The following WASF3 variants were observed in gnomAD, a reference collection of about 807,000 sequenced individuals.
WASF3 encodes WASP family member 3.
In WASF3, 11 loss-of-function variants were observed where a neutral mutation model predicts 46.6. That is an observed-to-expected ratio of 0.24 (90% CI 0.15 to 0.39). The LOEUF is 0.39. WASF3 is among the 10% of genes least tolerant of loss of function. The pLI is 1.00. For missense variants in WASF3, 576 were observed against 669.8 expected, an observed-to-expected ratio of 0.86 and a Z score of 1.55; for synonymous variants, 242 against 259.7, an observed-to-expected ratio of 0.93 and a Z score of 0.65.
chr13:26,555,050 C>G (rs908125643), upstream of WASF3, among the ~76,000 whole-genome samples: 13 of 152,124 alleles, frequency 8.5e-5, no homozygotes, highest in African/African-American at 2.9e-4. Context: ...ATTTGGTATC[C>G]TTAGGTTTTT....
chr13:26,661,698 G>A (rs1173697508), intron 3 of WASF3, among the ~76,000 whole-genome samples: 1 of 152,218 alleles, frequency 6.6e-6, no homozygotes, highest in African/African-American at 2.4e-5. Flanking sequence ...TTCCACAGCA[G>A]TTGTACCATT....
chr13:26,677,635 G>A (rs1215205243), intron 7 of WASF3, among the ~76,000 whole-genome samples: 2 of 152,170 alleles, frequency 1.3e-5, no homozygotes, highest in East Asian at 3.8e-4. Context: ...GTCATTGGGA[G>A]GATGTGAGGC....
intron 1 of WASF3, among the ~76,000 whole-genome samples, chr13:26,608,100 G>C (rs1212936611): frequency 1.5e-5 from 2 of 136,602 alleles, no homozygotes; most frequent in African/African-American, 2.8e-5. Context: ...GAATTGAAGA[G>C]TGGTTGATGT....
intron 1 of WASF3, among the ~76,000 whole-genome samples, chr13:26,558,490 G>A (rs117721519): frequency 1.8e-5 from 2 of 108,620 alleles, no homozygotes; most frequent in African/African-American, 5.4e-5. Context: ...GAGCCGCGGC[G>A]CGCGGGGTAT....
chr13:26,567,294 G>T (rs142278301), intron 1 of WASF3, among the ~76,000 whole-genome samples: 223 of 152,226 alleles, frequency 1.5e-3, no homozygotes, highest in Middle Eastern at 3.4e-3. Context: ...TTACAGATGC[G>T]CTTGGAGTGC....
chr13:26,557,620 G>T (rs554953018), upstream of WASF3: 19 of 157,344 alleles, frequency 1.2e-4, no homozygotes, highest in Non-Finnish European at 2.4e-4. Flanking sequence ...TGGTGGAGCC[G>T]GCACTGAGCC....
chr13:26,666,301 G>A (rs1005975364), intron 4 of WASF3, among the ~76,000 whole-genome samples: 8 of 152,118 alleles, frequency 5.3e-5, no homozygotes, highest in African/African-American at 1.2e-4. Flanking sequence ...GGCTGTTGCC[G>A]TTAGAATGCT....
In WASF3 at chr13:26,685,943, C is replaced by T; in HGVS notation, c.*98C>T. 1 of 1,463,626 alleles carries T rather than the reference C, an allele frequency of 6.8e-7. No homozygotes were observed. The highest frequency in any genetic ancestry group is 9.2e-7 in the Non-Finnish European group (1 of 1,092,332). 90.7% of individuals were successfully genotyped at this position (1,463,626 alleles called of 1,614,324 possible). A position where few individuals can be genotyped will look rare whatever the true frequency, so the allele number is the denominator to read the frequency against. On this transcript the variant is annotated 3_prime_UTR_variant, in exon 10 of 10. Coordinates refer to ENST00000335327, the MANE Select transcript of WASF3 (RefSeq NM_006646.6). ...GTATTCTAATCCCGTAGCATAGCAC[C>T]TTTTGTATAAACAATGTGATATTGC...
upstream of WASF3, among the ~76,000 whole-genome samples, chr13:26,557,309 C>A (rs1879119732): frequency 6.6e-6 from 1 of 152,178 alleles, no homozygotes; most frequent in Non-Finnish European, 1.5e-5. Flanking sequence ...GACCTCTGTG[C>A]AGGAGCCCTC....
intron 5 of WASF3, 21 bp downstream of exon 5, chr13:26,667,691 G>A: frequency 6.2e-7 from 1 of 1,609,262 alleles, no homozygotes; most frequent in Non-Finnish European, 8.5e-7. Context: ...ATGAGTCCCA[G>A]AGCCTCTCCT....
rs1377445635 is a variant in WASF3, at chr13:26,681,099, C to T, written c.762C>T (p.Pro254=). 3 of 1,614,100 alleles carry T rather than the reference C, an allele frequency of 1.9e-6. No individual in the cohort carries two copies. Among genetic ancestry groups the T allele is most frequent in the East Asian group, 2.2e-5 (1 of 44,900 alleles). ...CGGATTACTCTTACCCGGCTACTCCCAACCATTCTCTGCACCCCCAGCCTG... is the reference window on the plus strand; with the variant it reads ...CGGATTACTCTTACCCGGCTACTCCTAACCATTCTCTGCACCCCCAGCCTG... ...DVTDYSYPAT[P]NHSLHPQPVT... is the part of the protein sequence containing the mutation. Residue 254 remains proline, a synonymous_variant, in exon 8 of 10, where the codon CCC becomes CCT. Transcript: ENST00000335327.
chr13:26,586,699 A>G (rs781005899), intron 1 of WASF3, among the ~76,000 whole-genome samples: 5 of 152,188 alleles, frequency 3.3e-5, no homozygotes, highest in Admixed American at 6.5e-5. Flanking sequence ...ATCAATTCTA[A>G]GAGCCCCATC....
chr13:26,641,220 G>T, intron 2 of WASF3: 1 of 152,228 alleles, frequency 6.6e-6, no homozygotes, highest in Non-Finnish European at 1.5e-5. Flanking sequence ...CTTAAAAGGA[G>T]TTTTAAAAGC....
Position 26,603,067 on chromosome 13 carries a change from A to G in WASF3, c.-108-9894A>G, listed in dbSNP as rs552701528. On this transcript the variant is annotated intron_variant, in intron 1 of 9. Coordinates refer to ENST00000335327, the MANE Select transcript of WASF3 (RefSeq NM_006646.6). ...AGGAAGGCGATAAGGGCCCATGGGGAGGTAAGAGTAACTGCTGTTGGTACC... is the reference window on the plus strand; with the variant it reads ...AGGAAGGCGATAAGGGCCCATGGGGGGGTAAGAGTAACTGCTGTTGGTACC... Among the ~76,000 whole-genome samples the G allele has an allele frequency of 2.2e-3, 335 of 152,256 alleles. 4 individuals are homozygous for G. Among genetic ancestry groups the G allele is most frequent in the Non-Finnish European group, 3.4e-3 (234 of 68,022 alleles).
At chr13:26,609,285 A>G (rs1425142138) in intron 1 of WASF3, 2 of 152,194 alleles carry the variant, frequency 1.3e-5, no homozygotes, top group African/African-American at 4.8e-5. Context: ...CCTATAGTAC[A>G]GAATGAGGTA....
rs867712433 is a variant in WASF3, at chr13:26,682,189, T to C, written c.984-418T>C. ...CTGGGCACTGCAGGCATGGGGCATT[T>C]CCACGGAGGTGGGTTAGAGAATGTA... On this transcript the variant is annotated intron_variant, in intron 8 of 9. Coordinates refer to ENST00000335327, the MANE Select transcript of WASF3 (RefSeq NM_006646.6). The surrounding 1 kb of genome is among the most constrained non-coding windows in gnomAD (Gnocchi z 4.4). Among the ~76,000 whole-genome samples, 17 of 152,208 alleles carry C rather than the reference T, an allele frequency of 1.1e-4. No individual in the cohort carries two copies. The highest frequency in any genetic ancestry group is 2.4e-4 in the Non-Finnish European group (16 of 68,036).
chr13:26,611,150 G>T (rs568478262), intron 1 of WASF3, among the ~76,000 whole-genome samples: 1 of 150,666 alleles, frequency 6.6e-6, no homozygotes, highest in African/African-American at 2.4e-5. Flanking sequence ...GATTACAGGT[G>T]TGAGCCACAC....
At chr13:26,578,490 A>G (rs1223245590) in intron 1 of WASF3, among the ~76,000 whole-genome samples, 1 of 152,170 alleles carries the variant, frequency 6.6e-6, no homozygotes, top group Non-Finnish European at 1.5e-5. Flanking sequence ...ACTGACCCAA[A>G]ATGCAACACA....
intron 1 of WASF3, among the ~76,000 whole-genome samples, chr13:26,590,402 A>G (rs537983630): frequency 3.9e-5 from 6 of 152,350 alleles, no homozygotes; most frequent in South Asian, 2.1e-4. Context: ...GAGAAAAAAG[A>G]AACCCGAAAG....
Sources: gnomAD v4.1 joint callset for allele counts (sites outside exome capture counted in the v4.1 genomes callset) on GRCh38, gnomAD v4.1.1 for gene constraint, Gnocchi (gnomAD v3.1) non-coding constraint, MANE v1.5 for transcripts, NCBI Gene and HGNC (gene_info 2026-07-23, HGNC 2026-07-21) for gene names.